FBXW8: variants seen among roughly 807,000 people sequenced by gnomAD.
FBXW8 encodes F-box/WD repeat-containing protein 8.
A neutral mutation model predicts 65.3 loss-of-function variants in FBXW8; 57 were observed. The ratio of observed to expected loss-of-function variants is 0.87; its 90% CI spans 0.71 to 1.09. The LOEUF is 1.09. Among genes scored for constraint, FBXW8 ranks in the 50% least tolerant of loss-of-function variants. The pLI is 0.00. For missense variants in FBXW8, 777 were observed against 814.8 expected (o/e 0.95, Z 0.57); for synonymous variants, 308 against 330.2 (o/e 0.93, Z 0.73).
chr12:116,987,645 A>ATT (rs1034875206), intron 6 of FBXW8, among the ~76,000 whole-genome samples: 1 of 152,062 alleles, frequency 6.6e-6, no homozygotes, highest in Admixed American at 6.6e-5. Flanking sequence ...AAATGTTAAA[A>ATT]TTTTTTTTGC....
intron 8 of FBXW8, among the ~76,000 whole-genome samples, chr12:117,011,438 C>T (rs1953812775): frequency 6.6e-6 from 1 of 152,162 alleles, no homozygotes; most frequent in Non-Finnish European, 1.5e-5. Flanking sequence ...TGTGAGTATG[C>T]TTTATTGGGA....
At chr12:116,945,575 G>A (rs1230147516) in intron 3 of FBXW8, 47 bp downstream of exon 3, 1 of 1,571,080 alleles carries the variant, frequency 6.4e-7, no homozygotes, top group East Asian at 2.3e-5. Flanking sequence ...AGCCTGCAAG[G>A]ACATGGGAAT....
chr12:116,988,551 C>T (rs1953154442), intron 6 of FBXW8, 112 bp from the exon 7 acceptor site: 2 of 884,094 alleles, frequency 2.3e-6, no homozygotes, highest in Admixed American at 3.8e-5. Flanking sequence ...TTCATTTGCC[C>T]ATCTTTTTCT....
At chr12:116,989,831 T>G (rs1176600415) in intron 7 of FBXW8, among the ~76,000 whole-genome samples, 1 of 152,224 alleles carries the variant, frequency 6.6e-6, no homozygotes, top group Admixed American at 6.5e-5. Context: ...TCCTTAACCC[T>G]CTTTATGCCT....
chr12:116,959,540 T>C (rs1883856472), intron 4 of FBXW8, among the ~76,000 whole-genome samples: 2 of 152,194 alleles, frequency 1.3e-5, no homozygotes, highest in Admixed American at 1.3e-4. Flanking sequence ...AAATTTTGTT[T>C]TTAGCAAATA....
chr12:116,922,647 T>G (rs920588510), intron 1 of FBXW8, among the ~76,000 whole-genome samples: 1 of 152,200 alleles, frequency 6.6e-6, no homozygotes, highest in Non-Finnish European at 1.5e-5. Flanking sequence ...ACAGAATTAG[T>G]CTTACATTAG....
At chr12:116,914,978 T>C (rs1265823792) in intron 1 of FBXW8, among the ~76,000 whole-genome samples, 2 of 152,246 alleles carry the variant, frequency 1.3e-5, no homozygotes, top group Non-Finnish European at 2.9e-5. Flanking sequence ...GGTACTGTCT[T>C]AAGGGTTTAG....
At chr12:117,011,127 C>CTTTTTTTT (rs397946872) in intron 8 of FBXW8, among the ~76,000 whole-genome samples, 9,344 of 121,634 alleles carry the variant, frequency 0.077, 617 homozygotes, top group East Asian at 0.13. Context: ...TTTTCTTTTC[C>CTTTTTTTT]TTTTTTTTTT....
At chr12:116,958,804 C>A (rs1199077206) in intron 4 of FBXW8, among the ~76,000 whole-genome samples, 1 of 152,254 alleles carries the variant, frequency 6.6e-6, no homozygotes, top group Admixed American at 6.5e-5. Context: ...GCCCTCCTCA[C>A]TCCCCAACCA....
At chr12:117,021,878 C>T (rs977399744) in intron 8 of FBXW8, among the ~76,000 whole-genome samples, 9 of 152,186 alleles carry the variant, frequency 5.9e-5, no homozygotes, top group East Asian at 1.9e-4. Flanking sequence ...CGTTTCATCC[C>T]GTTGCTTTCG....
At chr12:116,995,553 G>A (rs1391815015) in intron 7 of FBXW8, among the ~76,000 whole-genome samples, 3 of 151,954 alleles carry the variant, frequency 2.0e-5, no homozygotes, top group South Asian at 4.1e-4. Context: ...GGCAGGAAAT[G>A]TTTGGTATTT....
At chr12:117,022,843 A>G (rs1954132849) in intron 8 of FBXW8, among the ~76,000 whole-genome samples, 1 of 152,022 alleles carries the variant, frequency 6.6e-6, no homozygotes, top group African/African-American at 2.4e-5. Flanking sequence ...ATCCTCCTTT[A>G]CAGATGTGTT....
chr12:116,997,779 C>T (rs1396660351), intron 7 of FBXW8, among the ~76,000 whole-genome samples: 1 of 152,160 alleles, frequency 6.6e-6, no homozygotes, highest in Non-Finnish European at 1.5e-5. Flanking sequence ...CATGCTGCTT[C>T]ACAGGATTCA....
chr12:116,958,315 GAAGAAATACCAAAGAAGCAAAGGAGCA>G (rs1202093843), intron 4 of FBXW8, among the ~76,000 whole-genome samples: 15 of 152,276 alleles, frequency 9.9e-5, no homozygotes, highest in Middle Eastern at 3.4e-3. Flanking sequence ...TGATATTACT[GAAGAAATACCAAAGAAGCAAAGGAGCA>G]AAGAAATACC....
intron 4 of FBXW8, among the ~76,000 whole-genome samples, chr12:116,960,042 A>G (rs1039000429): frequency 5.9e-5 from 9 of 152,358 alleles, no homozygotes; most frequent in Middle Eastern, 3.4e-3. Context: ...TGTAACTGTC[A>G]TAGTGGCATC....
intron 4 of FBXW8, among the ~76,000 whole-genome samples, chr12:116,953,526 C>T (rs1380802339): frequency 3.9e-5 from 6 of 152,172 alleles, no homozygotes; most frequent in Admixed American, 3.9e-4. Flanking sequence ...AATCCCAGCA[C>T]TTTGGGAGGC....
At chr12:116,981,181 A>G (rs1885281203) in intron 5 of FBXW8, among the ~76,000 whole-genome samples, 1 of 152,224 alleles carries the variant, frequency 6.6e-6, no homozygotes, top group Non-Finnish European at 1.5e-5. Context: ...TGAGATTATA[A>G]AAGTAGCCAT....
At chr12:116,996,711 C>T (rs772422338) in intron 7 of FBXW8, among the ~76,000 whole-genome samples, 7 of 152,076 alleles carry the variant, frequency 4.6e-5, no homozygotes, top group Non-Finnish European at 8.8e-5. Flanking sequence ...ACAGATAACT[C>T]GTGGAGACCA....
At chr12:117,006,587 C>T (rs1277739413) in intron 7 of FBXW8, among the ~76,000 whole-genome samples, 1 of 152,230 alleles carries the variant, frequency 6.6e-6, no homozygotes, top group Non-Finnish European at 1.5e-5. Context: ...GACCACCGCC[C>T]CTGCTGCTTA....
Sources: allele counts gnomAD v4.1 joint callset (sites outside exome capture counted in the v4.1 genomes callset), GRCh38; gene constraint gnomAD v4.1.1; transcripts MANE v1.5; gene names NCBI Gene and HGNC (gene_info 2026-07-23, HGNC 2026-07-21).